Variants in IGSF5 observed in about 807,000 individuals in gnomAD.
IGSF5 encodes immunoglobulin superfamily member 5.
A neutral mutation model predicts 39.4 loss-of-function variants in IGSF5; 41 were observed. That is an observed-to-expected ratio of 1.04 (90% CI 0.81 to 1.35). The LOEUF (loss-of-function observed/expected upper bound fraction) is 1.35. Ranked by LOEUF, IGSF5 falls within the 40% of genes most tolerant of loss-of-function variation. IGSF5 has a pLI of 0.00. For synonymous variants in IGSF5, 183 were observed against 175.3 expected (o/e 1.04, Z -0.34); for missense variants, 487 against 494.6 (o/e 0.98, Z 0.15).
intron 5 of IGSF5, among the ~76,000 whole-genome samples, chr21:39,787,037 A>C (rs1301540790): frequency 2.0e-5 from 3 of 152,214 alleles, no homozygotes; most frequent in Non-Finnish European, 2.9e-5. Flanking sequence ...GTAGCGCACC[A>C]GCATGTCACA....
chr21:39,763,597 G>C (rs1601127454), intron 2 of IGSF5, among the ~76,000 whole-genome samples: 1 of 152,300 alleles, frequency 6.6e-6, no homozygotes, highest in East Asian at 1.9e-4. Flanking sequence ...GAAGGAACTG[G>C]GGTTTCAGAG....
chr21:39,797,201 T>C (rs551329720), intron 8 of IGSF5, among the ~76,000 whole-genome samples: 17 of 149,098 alleles, frequency 1.1e-4, no homozygotes, highest in African/African-American at 4.2e-4. Context: ...CATGTGCAGA[T>C]AGACAAAGCT....
intron 6 of IGSF5, among the ~76,000 whole-genome samples, chr21:39,789,893 C>T (rs1005837466): frequency 1.3e-5 from 2 of 152,186 alleles, no homozygotes; most frequent in Admixed American, 1.3e-4. Context: ...TTTCTGTTAA[C>T]AAATACTTGC....
chr21:39,713,155 G>A, the IGSF5 span, among the ~76,000 whole-genome samples: 2 of 152,200 alleles, frequency 1.3e-5, no homozygotes, highest in East Asian at 1.9e-4. Flanking sequence ...CCCTGCCACC[G>A]TGTGGTCACA....
intron 6 of IGSF5, 83 bp downstream of exon 6, chr21:39,788,271 C>A: frequency 1.0e-6 from 1 of 986,950 alleles, no homozygotes; most frequent in Non-Finnish European, 1.6e-6. Flanking sequence ...TACGTACACA[C>A]AACTGCGGGA....
chr21:39,781,659 T>C (rs1483434626), intron 5 of IGSF5, among the ~76,000 whole-genome samples: 1 of 152,224 alleles, frequency 6.6e-6, no homozygotes, highest in Non-Finnish European at 1.5e-5. Context: ...GTTTAGTTTA[T>C]GCCAACCTGG....
intron 2 of IGSF5, among the ~76,000 whole-genome samples, chr21:39,750,229 C>T (rs2079998295): frequency 6.6e-6 from 1 of 152,126 alleles, no homozygotes; most frequent in Admixed American, 6.5e-5. Flanking sequence ...CTCCCCTGGC[C>T]CCATTTACTT....
the IGSF5 span, among the ~76,000 whole-genome samples, chr21:39,720,499 G>T: frequency 2.0e-5 from 3 of 152,116 alleles, no homozygotes; most frequent in Admixed American, 1.3e-4. Flanking sequence ...AGTATGGTAC[G>T]TGAAAAACAT....
chr21:39,797,398 T>C (rs757317247), intron 8 of IGSF5, among the ~76,000 whole-genome samples: 2 of 152,108 alleles, frequency 1.3e-5, no homozygotes, highest in African/African-American at 2.4e-5. Context: ...TTTGTATTTT[T>C]AGTAGAGACA....
intron 5 of IGSF5, among the ~76,000 whole-genome samples, chr21:39,785,295 A>G (rs1046891528): frequency 6.6e-6 from 1 of 151,974 alleles, no homozygotes; most frequent in African/African-American, 2.4e-5. Flanking sequence ...CAATGGCAGC[A>G]CCATTTATTA....
the IGSF5 span, among the ~76,000 whole-genome samples, chr21:39,713,726 C>T: frequency 9.2e-5 from 14 of 152,168 alleles, no homozygotes; most frequent in African/African-American, 3.1e-4. Context: ...TCTGCTGGGC[C>T]TTGTGCTTCC....
rs574606438 is a variant in IGSF5, at chr21:39,795,152, A to C, written c.1128+1539A>C. Among the ~76,000 whole-genome samples, 6 of 152,306 alleles carry C rather than the reference A, an allele frequency of 3.9e-5. 1 individual carries two copies. The highest frequency in any genetic ancestry group is 1.4e-4 in the African/African-American group (6 of 41,554). On this transcript the variant is annotated intron_variant, in intron 8 of 8. Transcript: ENST00000380588. ...ACTTTCCTCAGGCCGGGTGTCAGGAAAATGGAGAGGTAATGTTTTTTCCAT... is the reference window on the plus strand; with the variant it reads ...ACTTTCCTCAGGCCGGGTGTCAGGACAATGGAGAGGTAATGTTTTTTCCAT...
chr21:39,788,133 G>C, intron 5 of IGSF5, 34 bp from the exon 6 acceptor site: 1 of 1,551,084 alleles, frequency 6.4e-7, no homozygotes, highest in Non-Finnish European at 8.8e-7. Context: ...TAAGTATCCC[G>C]ATTTTTCCAA....
At chr21:39,784,530 A>G (rs963445194) in intron 5 of IGSF5, among the ~76,000 whole-genome samples, 7 of 152,198 alleles carry the variant, frequency 4.6e-5, no homozygotes, top group African/African-American at 1.7e-4. Context: ...GTATATTAAA[A>G]GTTTCTGTGA....
upstream of IGSF5, among the ~76,000 whole-genome samples, chr21:39,745,131 G>A (rs1230342984): frequency 2.0e-5 from 3 of 150,294 alleles, no homozygotes; most frequent in African/African-American, 4.9e-5. Flanking sequence ...CCAAGAACCT[G>A]CCTCTCTGTC....
At chr21:39,774,266 A>G (rs1249304282) in intron 4 of IGSF5, among the ~76,000 whole-genome samples, 1 of 152,190 alleles carries the variant, frequency 6.6e-6, no homozygotes, top group Non-Finnish European at 1.5e-5. Context: ...CTGTAAGGAG[A>G]ACAGCCAGGT....
chr21:39,765,714 A>T lies in IGSF5; in HGVS notation c.280A>T (p.Thr94Ser). The change falls in exon 3 of 9, where the codon ACC becomes TCC. Residue 94 changes from threonine to serine, a missense_variant. Thr to Ser is a moderately conservative substitution (Grantham distance 58). Transcript: ENST00000380588. ...MEPIITNDRF[T>S]SQRYDQGGNF... ...GCCCATCATCACCAATGACCGCTTC[A>T]CCTCTCAGAGGTACGACCAGGGCGG... The T allele has an allele frequency of 6.2e-7, 1 of 1,614,032 alleles. No homozygotes were observed. The highest frequency in any genetic ancestry group is 8.5e-7 in the Non-Finnish European group (1 of 1,180,006).
intron 2 of IGSF5, among the ~76,000 whole-genome samples, chr21:39,763,436 T>A (rs563109935): frequency 6.6e-6 from 1 of 152,250 alleles, no homozygotes; most frequent in South Asian, 2.1e-4. Flanking sequence ...TTGGTGTAGC[T>A]CCCTCCTCCC....
chr21:39,782,818 A>G (rs984562839), intron 5 of IGSF5, among the ~76,000 whole-genome samples: 7 of 152,234 alleles, frequency 4.6e-5, no homozygotes, highest in Middle Eastern at 6.8e-3. Context: ...GAACACTGAA[A>G]CTTTTCCTCT....
Sources: allele counts gnomAD v4.1 joint callset (sites outside exome capture counted in the v4.1 genomes callset), GRCh38; gene constraint gnomAD v4.1.1; transcripts MANE v1.5; gene names NCBI Gene and HGNC (gene_info 2026-07-23, HGNC 2026-07-21).